Variants in MGAT5 observed in about 807,000 individuals in gnomAD.
The protein encoded by MGAT5 is alpha-1,6-mannosylglycoprotein 6-beta-N-acetylglucosaminyltransferase A.
In MGAT5, 30 loss-of-function variants were observed where a neutral mutation model predicts 94.3. The observed-to-expected ratio is 0.32, with a 90% CI of 0.24 to 0.43. MGAT5 has a LOEUF of 0.43. MGAT5 is among the 20% of genes least tolerant of loss of function. The probability of loss-of-function intolerance (pLI) is 1.00; values close to 1 mark genes in which losing one functional copy is unlikely to be tolerated. For missense variants in MGAT5, 691 were observed against 905.5 expected (o/e 0.76, Z 3.04); for synonymous variants, 310 against 322.9 (o/e 0.96, Z 0.43).
At chr2:134,286,933 T>C (rs1368480939) in intron 2 of MGAT5, among the ~76,000 whole-genome samples, 2 of 152,216 alleles carry the variant, frequency 1.3e-5, no homozygotes, top group African/African-American at 4.8e-5. Context: ...TGGTGGGATT[T>C]GCTTCTACCT....
intron 2 of MGAT5, among the ~76,000 whole-genome samples, chr2:134,307,407 TC>T (rs201213021): frequency 0.01 from 1,537 of 152,282 alleles, 18 homozygotes; most frequent in African/African-American, 0.027. Context: ...AATGTGACTT[TC>T]ATTCCCCTTT....
intron 1 of MGAT5, among the ~76,000 whole-genome samples, chr2:134,231,491 T>C (rs1312498996): frequency 6.6e-6 from 1 of 152,232 alleles, no homozygotes; most frequent in Non-Finnish European, 1.5e-5. Context: ...TGTGTAGCAA[T>C]GTACAAATTC....
chr2:134,189,609 T>TTTTTTTTTTGTTTTG (rs1689260268), intron 1 of MGAT5, among the ~76,000 whole-genome samples: 1 of 134,072 alleles, frequency 7.5e-6, no homozygotes, highest in Non-Finnish European at 1.6e-5. Flanking sequence ...TTTGTTTTTT[T>TTTTTTTTTTGTTTTG]TTTTTTTTTT....
At chr2:134,136,268 TA>T (rs376379102) in intron 1 of MGAT5, among the ~76,000 whole-genome samples, 2,212 of 150,224 alleles carry the variant, frequency 0.015, 57 homozygotes, top group African/African-American at 0.051. Flanking sequence ...ATTTACCAAT[TA>T]AAAAAAAAAT....
intron 15 of MGAT5, among the ~76,000 whole-genome samples, chr2:134,442,747 C>G (rs1017519017): frequency 6.6e-6 from 1 of 152,088 alleles, no homozygotes; most frequent in Non-Finnish European, 1.5e-5. Context: ...GGCTTGAATC[C>G]ATTCTCTCAA....
chr2:134,225,119 G>T (rs1413601714), intron 1 of MGAT5, among the ~76,000 whole-genome samples: 2 of 151,850 alleles, frequency 1.3e-5, no homozygotes, highest in East Asian at 3.9e-4. Context: ...GGAAATCGGG[G>T]GGGAATTTCC....
intron 1 of MGAT5, among the ~76,000 whole-genome samples, chr2:134,175,288 AC>A (rs1353677539): frequency 6.6e-6 from 1 of 152,102 alleles, no homozygotes; most frequent in Non-Finnish European, 1.5e-5. Context: ...TTATGTACCT[AC>A]CCCTCCATAT....
intron 2 of MGAT5, among the ~76,000 whole-genome samples, chr2:134,278,451 G>C (rs1217685383): frequency 6.6e-6 from 1 of 152,192 alleles, no homozygotes; most frequent in Non-Finnish European, 1.5e-5. Context: ...TCATGATCCA[G>C]TCAGAGTGAC....
intron 1 of MGAT5, among the ~76,000 whole-genome samples, chr2:134,155,355 A>T (rs1167399769): frequency 6.6e-6 from 1 of 152,132 alleles, no homozygotes; most frequent in African/African-American, 2.4e-5. Flanking sequence ...CTGCTTCTCC[A>T]TTCTCCTGCA....
chr2:134,350,203 T>C (rs2106049307), intron 9 of MGAT5, among the ~76,000 whole-genome samples: 1 of 152,304 alleles, frequency 6.6e-6, no homozygotes, highest in African/African-American at 2.4e-5. Flanking sequence ...TTAGAAACTA[T>C]TTGGGAAAGG....
intron 15 of MGAT5, among the ~76,000 whole-genome samples, chr2:134,444,319 T>C (rs891299619): frequency 4.6e-5 from 7 of 152,306 alleles, no homozygotes; most frequent in South Asian, 2.1e-4. Flanking sequence ...GGCGTGGGGC[T>C]GTCCTGAGGC....
At chr2:134,373,551 G>T (rs573638495) in intron 10 of MGAT5, among the ~76,000 whole-genome samples, 2 of 152,166 alleles carry the variant, frequency 1.3e-5, no homozygotes, top group African/African-American at 2.4e-5. Flanking sequence ...AATACAGCTT[G>T]TAGGAAAACA....
intron 2 of MGAT5, among the ~76,000 whole-genome samples, chr2:134,270,989 T>C (rs1438831965): frequency 6.6e-6 from 1 of 152,138 alleles, no homozygotes; most frequent in East Asian, 1.9e-4. Flanking sequence ...ATGCCTCCTA[T>C]GTATATATGG....
intron 4 of MGAT5, among the ~76,000 whole-genome samples, chr2:134,327,304 G>A (rs1462079111): frequency 6.6e-6 from 1 of 152,024 alleles, no homozygotes; most frequent in Non-Finnish European, 1.5e-5. Context: ...GAAACTGAGG[G>A]TGGTACCGAA....
chr2:134,120,746 G>A (rs1418422780), intron 1 of MGAT5, among the ~76,000 whole-genome samples: 1 of 151,934 alleles, frequency 6.6e-6, no homozygotes, highest in Non-Finnish European at 1.5e-5. Context: ...GGGTCCTCGG[G>A]ACCCAGGCGC....
At chr2:134,360,614 C>T (rs886202418) in intron 9 of MGAT5, among the ~76,000 whole-genome samples, 3 of 152,124 alleles carry the variant, frequency 2.0e-5, no homozygotes, top group African/African-American at 7.2e-5. Flanking sequence ...TTAGAATTAA[C>T]AAAAAATTTT....
chr2:134,226,988 A>G (rs1681100441), intron 1 of MGAT5, among the ~76,000 whole-genome samples: 1 of 148,890 alleles, frequency 6.7e-6, no homozygotes, highest in Non-Finnish European at 1.5e-5. Flanking sequence ...TTTTTTTGGA[A>G]AGGCCAGAAA....
intron 8 of MGAT5, among the ~76,000 whole-genome samples, chr2:134,345,881 T>G (rs1688898077): frequency 6.6e-6 from 1 of 152,168 alleles, no homozygotes. Flanking sequence ...TATGCTTTTT[T>G]TTGTTGTTAT....
chr2:134,298,577 T>C (rs1236692448), intron 2 of MGAT5, among the ~76,000 whole-genome samples: 1 of 152,212 alleles, frequency 6.6e-6, no homozygotes, highest in Non-Finnish European at 1.5e-5. Context: ...TATTCTGTTG[T>C]AACAAATCCT....
Sources: gnomAD v4.1 joint callset for allele counts (sites outside exome capture counted in the v4.1 genomes callset) on GRCh38, gnomAD v4.1.1 for gene constraint, MANE v1.5 for transcripts, NCBI Gene and HGNC (gene_info 2026-07-23, HGNC 2026-07-21) for gene names.